Variants in COG5 observed in about 807,000 individuals in gnomAD.
The protein encoded by COG5 is conserved oligomeric Golgi complex subunit 5.
A neutral mutation model predicts 110.4 loss-of-function variants in COG5; 86 were observed. The observed-to-expected ratio is 0.78, with a 90% confidence interval of 0.65 to 0.93. COG5 has a LOEUF of 0.93. COG5 is among the 40% of genes least tolerant of loss of function. The pLI, the probability that COG5 is intolerant of heterozygous loss-of-function variation, is 0.00. For synonymous variants in COG5, 360 were observed against 334.6 expected (o/e 1.08, Z -0.83); for missense variants, 1,077 against 987.0 (o/e 1.09, Z -1.22).
intron 6 of COG5, among the ~76,000 whole-genome samples, chr7:107,425,824 A>G (rs1461090382): frequency 1.3e-5 from 2 of 152,186 alleles, no homozygotes; most frequent in African/African-American, 2.4e-5. Flanking sequence ...CCTAAAATTC[A>G]TATGTTGAAG....
chr7:107,428,054 G>A (rs775901495), intron 6 of COG5, among the ~76,000 whole-genome samples: 17 of 152,054 alleles, frequency 1.1e-4, no homozygotes, highest in African/African-American at 2.7e-4. Context: ...AGGTGGGCTC[G>A]ACAGTATAAA....
intron 7 of COG5, among the ~76,000 whole-genome samples, chr7:107,388,164 C>T (rs778166079): frequency 1.5e-4 from 23 of 152,180 alleles, no homozygotes; most frequent in Admixed American, 1.5e-3. Context: ...ATTGCCAGCT[C>T]ACAGGCAATC....
In COG5 at chr7:107,403,668, A is replaced by T. The variant is rs115396864; in HGVS notation, c.669+8834T>A. ...GGCTCTGAGTAAAATGAGGGGTAGA[A>T]GGAGAGGGGAAGGTAGATAGTAAGT... On this transcript the variant is annotated intron_variant, in intron 7 of 21. Transcript: ENST00000297135. Among the ~76,000 whole-genome samples, 159 of 152,182 alleles carry T rather than the reference A, an allele frequency of 1.0e-3. 1 individual carries two copies. The highest frequency in any genetic ancestry group is 3.6e-3 in the African/African-American group (149 of 41,540).
intron 6 of COG5, among the ~76,000 whole-genome samples, chr7:107,526,322 T>TGCAC (rs1219706757): frequency 2.7e-4 from 41 of 152,294 alleles, no homozygotes; most frequent in Non-Finnish European, 5.9e-5. Flanking sequence ...ATTAAAAGTG[T>TGCAC]TGGGCAGTTC....
intron 6 of COG5, among the ~76,000 whole-genome samples, chr7:107,420,692 A>T (rs144994726): frequency 0.018 from 2,712 of 152,184 alleles, 69 homozygotes; most frequent in African/African-American, 0.061. Context: ...CGATCTCCTG[A>T]CGTCGTGATC....
In COG5 at chr7:107,401,912, A is replaced by C. The variant is rs549528806; in HGVS notation, c.669+10590T>G. ...AAAGGAATCACTGTGTTCAACTTTA[A>C]GAGGACCTTCTTTTTGAAGCTTAAG... On this transcript the variant is annotated intron_variant, in intron 7 of 21. Transcript: ENST00000297135. Among the ~76,000 whole-genome samples the C allele has an allele frequency of 2.6e-5, 4 of 152,346 alleles. No individual in the cohort carries two copies. In the South Asian group the frequency reaches 8.3e-4, roughly 32 times the overall value.
chr7:107,343,769 T>C lies in COG5; in HGVS notation c.1026+18264A>G, dbSNP rs115651765. On this transcript the variant is annotated intron_variant, in intron 10 of 21. Transcript: ENST00000297135. ...ATCATGGGCTGTAGAATGGATGTTA[T>C]GTTAGCATGCATGAAAACAACATTA... Among the ~76,000 whole-genome samples, 830 of 152,320 alleles carry C rather than the reference T, an allele frequency of 5.4e-3. 9 individuals are homozygous for C. Among genetic ancestry groups the C allele is most frequent in the African/African-American group, 0.019 (808 of 41,574 alleles).
intron 11 of COG5, among the ~76,000 whole-genome samples, chr7:107,309,374 G>A (rs1200262904): frequency 6.6e-6 from 1 of 151,950 alleles, no homozygotes; most frequent in Non-Finnish European, 1.5e-5. Context: ...AATTAATAAA[G>A]ACTTTAAATA....
Position 107,474,094 on chromosome 7 carries a change from C to T in COG5, c.538+53143G>A. On this transcript the variant is annotated intron_variant, in intron 6 of 21. Coordinates refer to ENST00000297135, the MANE Select transcript of COG5 (RefSeq NM_006348.5). The surrounding 1 kb of genome is among the most constrained non-coding windows in gnomAD (Gnocchi z 5.7). ...TTCTCCCATTCTGGAAATCAACATG[C>T]AGTCTGAATCTAACATTACAGTGCG... The T allele has an allele frequency of 6.3e-7, 1 of 1,580,096 alleles. No individual in the cohort carries two copies. Among genetic ancestry groups the T allele is most frequent in the Non-Finnish European group, 8.6e-7 (1 of 1,161,066 alleles).
chr7:107,523,485 T>C (rs1800480997), intron 6 of COG5, among the ~76,000 whole-genome samples: 1 of 152,004 alleles, frequency 6.6e-6, no homozygotes, highest in African/African-American at 2.4e-5. Flanking sequence ...GGCATGGTTG[T>C]AGGGGGAAGT....
intron 6 of COG5, among the ~76,000 whole-genome samples, chr7:107,446,876 C>T (rs1795034162): frequency 6.6e-6 from 1 of 152,210 alleles, no homozygotes; most frequent in Non-Finnish European, 1.5e-5. Context: ...ACTATTGCTG[C>T]CATGACAAAT....
intron 6 of COG5, among the ~76,000 whole-genome samples, chr7:107,462,558 A>G (rs1796061339): frequency 1.3e-5 from 2 of 150,970 alleles, no homozygotes; most frequent in South Asian, 4.2e-4. Flanking sequence ...AACAACCCCA[A>G]TATGCTTTGA....
chr7:107,220,420 G>A (rs1799830682), intron 19 of COG5, among the ~76,000 whole-genome samples: 1 of 152,192 alleles, frequency 6.6e-6, no homozygotes, highest in Admixed American at 6.5e-5. Context: ...CACATGGTGT[G>A]ACCTTAAGTT....
chr7:107,230,012 A>C (rs977647768), intron 19 of COG5, among the ~76,000 whole-genome samples: 1 of 151,660 alleles, frequency 6.6e-6, no homozygotes. Flanking sequence ...CACCATGCCC[A>C]GCTAATTTTT....
At chr7:107,541,151 GAAA>G (rs879808486) in intron 5 of COG5, among the ~76,000 whole-genome samples, 1 of 111,998 alleles carries the variant, frequency 8.9e-6, no homozygotes. Context: ...ACTCTGTCTT[GAAA>G]AAAAAAAAAA....
intron 14 of COG5, among the ~76,000 whole-genome samples, chr7:107,268,596 C>G (rs1803991818): frequency 6.6e-6 from 1 of 152,184 alleles, no homozygotes; most frequent in Non-Finnish European, 1.5e-5. Flanking sequence ...CCACCACAGT[C>G]TCTCATTTTG....
intron 6 of COG5, among the ~76,000 whole-genome samples, chr7:107,513,246 C>G (rs1799669172): frequency 6.6e-6 from 1 of 152,184 alleles, no homozygotes; most frequent in East Asian, 1.9e-4. Flanking sequence ...AGGATATGAA[C>G]AGACACTTCT....
chr7:107,317,189 C>T (rs1292836800), intron 11 of COG5, among the ~76,000 whole-genome samples: 1 of 151,922 alleles, frequency 6.6e-6, no homozygotes, highest in Non-Finnish European at 1.5e-5. Context: ...TGAGATGAAC[C>T]CTATGAGTGC....
intron 10 of COG5, among the ~76,000 whole-genome samples, chr7:107,350,396 A>G (rs916293287): frequency 1.3e-5 from 2 of 151,948 alleles, no homozygotes; most frequent in African/African-American, 4.8e-5. Flanking sequence ...CTACTGGTTC[A>G]TTTTCATATC....
Sources: gnomAD v4.1 joint callset for allele counts (sites outside exome capture counted in the v4.1 genomes callset) on GRCh38, gnomAD v4.1.1 for gene constraint, Gnocchi (gnomAD v3.1) non-coding constraint, MANE v1.5 for transcripts, NCBI Gene and HGNC (gene_info 2026-07-23, HGNC 2026-07-21) for gene names.